The following STK33 variants were observed in gnomAD, a reference collection of about 807,000 sequenced individuals.
STK33 encodes serine/threonine-protein kinase 33.
In STK33, 52 loss-of-function variants were observed where a neutral mutation model predicts 58.0. That is an observed-to-expected ratio of 0.90 (90% CI 0.72 to 1.13). The LOEUF (loss-of-function observed/expected upper bound fraction) is 1.13. STK33 is among the 50% of genes most tolerant of loss of function. The pLI is 0.00. For synonymous variants in STK33, 215 were observed against 200.1 expected (o/e 1.07, Z -0.63); for missense variants, 630 against 604.2 (o/e 1.04, Z -0.45).
At chr11:8,523,598 G>A (rs1002390205) in intron 1 of STK33, among the ~76,000 whole-genome samples, 9 of 151,998 alleles carry the variant, frequency 5.9e-5, no homozygotes, top group African/African-American at 1.7e-4. Context: ...CCTCTGCCCG[G>A]CAGCCTCCCC....
chr11:8,398,085 C>A (rs1849692448), intron 15 of STK33, among the ~76,000 whole-genome samples: 1 of 152,136 alleles, frequency 6.6e-6, no homozygotes, highest in Non-Finnish European at 1.5e-5. Flanking sequence ...GGCAGGCCAA[C>A]ATTCAAATTC....
At chr11:8,367,864 ACACT>A in the STK33 span, among the ~76,000 whole-genome samples, 2 of 152,138 alleles carry the variant, frequency 1.3e-5, no homozygotes, top group African/African-American at 4.8e-5. Flanking sequence ...GACAGTGGAC[ACACT>A]CATCACACAC....
chr11:8,514,125 T>A (rs972599932), intron 1 of STK33, among the ~76,000 whole-genome samples: 27 of 152,360 alleles, frequency 1.8e-4, no homozygotes, highest in Non-Finnish European at 3.5e-4. Flanking sequence ...AGGTTCTAAC[T>A]ATGTTGTTGC....
the STK33 span, among the ~76,000 whole-genome samples, chr11:8,342,095 C>T: frequency 6.6e-6 from 1 of 152,180 alleles, no homozygotes; most frequent in Non-Finnish European, 1.5e-5. Flanking sequence ...AGTCAGTCCA[C>T]GGAGGCGATT....
chr11:8,375,484 A>G, the STK33 span, among the ~76,000 whole-genome samples: 1 of 152,228 alleles, frequency 6.6e-6, no homozygotes, highest in Non-Finnish European at 1.5e-5. Flanking sequence ...CAAGGTAAAA[A>G]TAATAGAACT....
At chr11:8,349,462 G>A in the STK33 span, among the ~76,000 whole-genome samples, 12 of 152,208 alleles carry the variant, frequency 7.9e-5, no homozygotes, top group African/African-American at 2.2e-4. Context: ...CAGGGCCCAC[G>A]CTCAGAATCA....
chr11:8,564,221 T>C lies in STK33; in HGVS notation c.-466+29862A>G, dbSNP rs150242189. Among the ~76,000 whole-genome samples, 766 of 152,284 alleles carry C rather than the reference T, an allele frequency of 5.0e-3. 4 individuals are homozygous for C. The highest frequency in any genetic ancestry group is 0.014 in the Middle Eastern group (4 of 294). On this transcript the variant is annotated intron_variant, in intron 1 of 15. Transcript: ENST00000687296. Reference sequence around the variant, plus strand: ...GGTGGAAGTAAGTATATAGATTTGGTTGTAGGGAATTTAGGAAATTCCCAT... The same window carrying C: ...GGTGGAAGTAAGTATATAGATTTGGCTGTAGGGAATTTAGGAAATTCCCAT...
chr11:8,473,299 A>G (rs369906774), intron 5 of STK33, 23 bp from the exon 6 acceptor site: 1 of 1,421,618 alleles, frequency 7.0e-7, no homozygotes, highest in South Asian at 1.2e-5. Context: ...AAAAAATTAA[A>G]AAAAAAAAAC....
At chr11:8,531,972 T>C (rs1254657945) in intron 1 of STK33, among the ~76,000 whole-genome samples, 1 of 152,208 alleles carries the variant, frequency 6.6e-6, no homozygotes, top group African/African-American at 2.4e-5. Flanking sequence ...AGAAAAGTGA[T>C]TAAAGATCAG....
At chr11:8,469,539 T>C (rs1267176050) in intron 6 of STK33, among the ~76,000 whole-genome samples, 2 of 152,178 alleles carry the variant, frequency 1.3e-5, no homozygotes, top group Non-Finnish European at 2.9e-5. Flanking sequence ...TTTACCAGAC[T>C]CCATCAGTGT....
intron 3 of STK33, 23 bp from the exon 4 acceptor site, chr11:8,476,774 T>A (rs1949319572): frequency 6.6e-6 from 1 of 152,166 alleles, no homozygotes; most frequent in Non-Finnish European, 1.5e-5. Context: ...AACAGATGAT[T>A]CTTATATAAA....
At chr11:8,490,265 ATC>A (rs1452248323) in intron 1 of STK33, among the ~76,000 whole-genome samples, 1 of 152,210 alleles carries the variant, frequency 6.6e-6, no homozygotes, top group Non-Finnish European at 1.5e-5. Flanking sequence ...AGGAGATTAT[ATC>A]CCCTGCATGG....
chr11:8,592,891 A>G (rs942234300), intron 1 of STK33, among the ~76,000 whole-genome samples: 1 of 152,238 alleles, frequency 6.6e-6, no homozygotes, highest in African/African-American at 2.4e-5. Context: ...GGATGGGAAT[A>G]TTGAAAGGAA....
intron 1 of STK33, among the ~76,000 whole-genome samples, chr11:8,579,251 A>C (rs985133405): frequency 6.6e-6 from 1 of 152,044 alleles, no homozygotes; most frequent in Non-Finnish European, 1.5e-5. Context: ...TTTTTTATTA[A>C]ATCTAAACCT....
At chr11:8,553,725 T>C (rs1476406070) in intron 1 of STK33, among the ~76,000 whole-genome samples, 3 of 152,078 alleles carry the variant, frequency 2.0e-5, no homozygotes, top group Non-Finnish European at 4.4e-5. Flanking sequence ...CTTTAATAAA[T>C]GGTGCTGGAA....
At chr11:8,435,093 C>A (rs1203704008) in intron 14 of STK33, among the ~76,000 whole-genome samples, 1 of 152,164 alleles carries the variant, frequency 6.6e-6, no homozygotes, top group African/African-American at 2.4e-5. Flanking sequence ...GTTTGGAGAT[C>A]ATGGCTTTTC....
chr11:8,463,347 T>C (rs1223367878), intron 7 of STK33, among the ~76,000 whole-genome samples: 2 of 152,174 alleles, frequency 1.3e-5, no homozygotes, highest in African/African-American at 2.4e-5. Context: ...ATCCCTCACA[T>C]ACACAGTTCA....
intron 1 of STK33, among the ~76,000 whole-genome samples, chr11:8,558,908 A>C (rs1443782459): frequency 3.3e-5 from 5 of 152,202 alleles, no homozygotes; most frequent in Non-Finnish European, 7.3e-5. Context: ...CAAATTCAAA[A>C]AGCTAATGCC....
chr11:8,581,334 T>C (rs1029654221), intron 1 of STK33, among the ~76,000 whole-genome samples: 7 of 152,036 alleles, frequency 4.6e-5, no homozygotes, highest in Non-Finnish European at 8.8e-5. Context: ...CTGGGCAACA[T>C]AGTGAGACCC....
Sources: gnomAD v4.1 joint callset for allele counts (sites outside exome capture counted in the v4.1 genomes callset) on GRCh38, gnomAD v4.1.1 for gene constraint, MANE v1.5 for transcripts, NCBI Gene and HGNC (gene_info 2026-07-23, HGNC 2026-07-21) for gene names.